The following REDIC1 variants were observed in gnomAD, a reference collection of about 807,000 sequenced individuals.
REDIC1 encodes the protein regulator of DNA class I crossover intermediates 1.
the REDIC1 span, among the ~76,000 whole-genome samples, chr12:39,748,408 A>C: frequency 6.6e-6 from 1 of 152,360 alleles, no homozygotes; most frequent in Admixed American, 6.5e-5. Context: ...AGGAGCACCC[A>C]GATTCATAAA....
chr12:39,696,571 A>T, the REDIC1 span, among the ~76,000 whole-genome samples: 2 of 143,270 alleles, frequency 1.4e-5, no homozygotes, highest in Non-Finnish European at 3.0e-5. Context: ...AAAAAAAAAA[A>T]AAAAAAAAAT....
At chr12:39,826,118 A>G in the REDIC1 span, among the ~76,000 whole-genome samples, 1 of 152,058 alleles carries the variant, frequency 6.6e-6, no homozygotes, top group African/African-American at 2.4e-5. Flanking sequence ...AGCTTACTGA[A>G]TTTACTGTTT....
chr12:39,684,193 C>G, the REDIC1 span: 1 of 1,033,766 alleles, frequency 9.7e-7, no homozygotes, highest in Non-Finnish European at 1.2e-6. Context: ...TAAATTTATT[C>G]CTTAAAAGTT....
the REDIC1 span, among the ~76,000 whole-genome samples, chr12:39,825,460 T>G: frequency 6.6e-6 from 1 of 152,172 alleles, no homozygotes; most frequent in Non-Finnish European, 1.5e-5. Context: ...CTTTTGACTT[T>G]GAGAAAGTCA....
chr12:39,790,011 A>G, the REDIC1 span, among the ~76,000 whole-genome samples: 1 of 152,044 alleles, frequency 6.6e-6, no homozygotes, highest in Non-Finnish European at 1.5e-5. Context: ...GTAAAAGGAA[A>G]CAGGTGAAGT....
At chr12:39,810,604 G>A in the REDIC1 span, among the ~76,000 whole-genome samples, 1 of 152,138 alleles carries the variant, frequency 6.6e-6, no homozygotes, top group African/African-American at 2.4e-5. Flanking sequence ...AATGTAAGCT[G>A]TAGGTTTTTA....
chr12:39,642,426 C>T, the REDIC1 span, among the ~76,000 whole-genome samples: 2 of 151,612 alleles, frequency 1.3e-5, no homozygotes, highest in African/African-American at 4.8e-5. Flanking sequence ...ATGTCCTCCT[C>T]CCTTCCCTGT....
chr12:39,626,435 T>TCA, the REDIC1 span: 1 of 1,583,146 alleles, frequency 6.3e-7, no homozygotes, highest in East Asian at 2.2e-5. Flanking sequence ...GGCGGAGAGG[T>TCA]CACAGCCTTA....
chr12:39,800,399 G>GA, the REDIC1 span, among the ~76,000 whole-genome samples: 1 of 150,150 alleles, frequency 6.7e-6, no homozygotes, highest in African/African-American at 2.5e-5. Context: ...AAATTTACAA[G>GA]AAAAAAACAA....
At chr12:39,630,477 A>G in the REDIC1 span, among the ~76,000 whole-genome samples, 1 of 152,164 alleles carries the variant, frequency 6.6e-6, no homozygotes, top group African/African-American at 2.4e-5. Context: ...TCTAAGCAAG[A>G]TATTATTGAG....
the REDIC1 span, among the ~76,000 whole-genome samples, chr12:39,887,981 C>T: frequency 6.6e-6 from 1 of 152,152 alleles, no homozygotes; most frequent in South Asian, 2.1e-4. Context: ...TATCCCACAT[C>T]ACCACCCCAC....
At chr12:39,837,230 G>T in the REDIC1 span, among the ~76,000 whole-genome samples, 1 of 150,886 alleles carries the variant, frequency 6.6e-6, no homozygotes, top group Admixed American at 6.6e-5. Context: ...AGAAAAACAA[G>T]CAATGGGGAA....
At chr12:39,643,760 T>C in the REDIC1 span, 5 of 1,458,098 alleles carry the variant, frequency 3.4e-6, no homozygotes, top group African/African-American at 7.1e-5. Context: ...GCATTGTTTT[T>C]AATTTTTAAT....
chr12:39,701,800 C>G, the REDIC1 span, among the ~76,000 whole-genome samples: 509 of 151,994 alleles, frequency 3.3e-3, 6 homozygotes, highest in African/African-American at 0.012. Flanking sequence ...CAAAACCGCT[C>G]AACTACATGG....
At chr12:39,712,854 TATGTATATACAC>T in the REDIC1 span, among the ~76,000 whole-genome samples, 2 of 69,146 alleles carry the variant, frequency 2.9e-5, no homozygotes, top group Admixed American at 1.6e-4. Context: ...TATATACACA[TATGTATATACAC>T]GTATATACAC....
the REDIC1 span, among the ~76,000 whole-genome samples, chr12:39,897,684 A>T: frequency 5.3e-5 from 8 of 152,196 alleles, no homozygotes. Flanking sequence ...GTGAATTTTC[A>T]TTTAAATTTG....
chr12:39,716,232 A>C, the REDIC1 span, among the ~76,000 whole-genome samples: 4 of 152,042 alleles, frequency 2.6e-5, no homozygotes, highest in Non-Finnish European at 5.9e-5. Context: ...CATGACCTAC[A>C]TCTCAATCCC....
At chr12:39,681,101 GTC>G in the REDIC1 span, among the ~76,000 whole-genome samples, 3 of 152,030 alleles carry the variant, frequency 2.0e-5, no homozygotes, top group Non-Finnish European at 4.4e-5. Flanking sequence ...GTGAAACCCT[GTC>G]TCTACTAAAA....
chr12:39,715,697 C>A, the REDIC1 span, among the ~76,000 whole-genome samples: 1 of 151,966 alleles, frequency 6.6e-6, no homozygotes, highest in African/African-American at 2.4e-5. Flanking sequence ...CCATGGTCAC[C>A]AAAACGAGTG....
Sources: allele counts gnomAD v4.1 joint callset (sites outside exome capture counted in the v4.1 genomes callset), GRCh38; gene constraint gnomAD v4.1.1; transcripts MANE v1.5; gene names NCBI Gene and HGNC (gene_info 2026-07-23, HGNC 2026-07-21).